Variants in GRM5 observed in about 807,000 individuals in gnomAD.
GRM5 encodes glutamate metabotropic receptor 5, also known as metabotropic glutamate receptor 5.
GRM5 carries 19 observed loss-of-function variants against 83.1 expected under a neutral mutation model. That is an observed-to-expected ratio of 0.23 (90% CI 0.16 to 0.34). GRM5 has a LOEUF of 0.34. GRM5 is among the 10% of genes least tolerant of loss of function. The probability of loss-of-function intolerance (pLI) is 1.00; values close to 1 mark genes in which losing one functional copy is unlikely to be tolerated. For missense variants in GRM5, 1,160 were observed against 1,588.3 expected (o/e 0.73, Z 4.58); for synonymous variants, 675 against 633.6 (o/e 1.07, Z -0.98).
chr11:88,639,468 G>T (rs1444908251), intron 4 of GRM5, among the ~76,000 whole-genome samples: 1 of 151,930 alleles, frequency 6.6e-6, no homozygotes, highest in Non-Finnish European at 1.5e-5. Context: ...ATTTTGTCTG[G>T]TTTTGCTGCT....
chr11:89,021,638 G>A (rs1475253373), intron 2 of GRM5, among the ~76,000 whole-genome samples: 1 of 152,144 alleles, frequency 6.6e-6, no homozygotes, highest in Admixed American at 6.6e-5. Context: ...AGACAGATAT[G>A]TTAAAAGGGG....
chr11:88,848,455 T>C (rs1944334368), intron 3 of GRM5, among the ~76,000 whole-genome samples: 1 of 152,206 alleles, frequency 6.6e-6, no homozygotes, highest in African/African-American at 2.4e-5. Flanking sequence ...TTTCCCTTAA[T>C]AAGCCATCAA....
chr11:88,532,461 G>T (rs1324400292), intron 8 of GRM5, among the ~76,000 whole-genome samples: 1 of 152,066 alleles, frequency 6.6e-6, no homozygotes, highest in Admixed American at 6.6e-5. Flanking sequence ...ATCCTATAAG[G>T]GATTTTCATA....
chr11:88,655,670 TG>T (rs1398989790), intron 3 of GRM5, among the ~76,000 whole-genome samples: 235 of 144,972 alleles, frequency 1.6e-3, no homozygotes, highest in African/African-American at 5.2e-3. Context: ...GTACTTTCTC[TG>T]TTTTTTTTTT....
intron 2 of GRM5, among the ~76,000 whole-genome samples, chr11:88,986,148 G>A (rs1156686662): frequency 6.6e-6 from 1 of 152,062 alleles, no homozygotes; most frequent in Non-Finnish European, 1.5e-5. Flanking sequence ...CCATCTCATG[G>A]AGTACTATTA....
chr11:88,658,711 A>G (rs1346747933), intron 3 of GRM5, among the ~76,000 whole-genome samples: 1 of 152,188 alleles, frequency 6.6e-6, no homozygotes, highest in African/African-American at 2.4e-5. Context: ...TGGATAATAG[A>G]GTGATACCAG....
At chr11:88,848,469 T>A (rs1376211216) in intron 3 of GRM5, among the ~76,000 whole-genome samples, 1 of 152,176 alleles carries the variant, frequency 6.6e-6, no homozygotes, top group Admixed American at 6.5e-5. Context: ...CCATCAAAAG[T>A]TAATAACAAG....
intron 3 of GRM5, among the ~76,000 whole-genome samples, chr11:88,726,339 A>G (rs71469210): frequency 0.12 from 18,854 of 152,248 alleles, 1,544 homozygotes; most frequent in Middle Eastern, 0.2. Context: ...AGATTAGAGA[A>G]AAAAGAATGA....
At chr11:88,881,153 A>G (rs1944946046) in intron 2 of GRM5, among the ~76,000 whole-genome samples, 1 of 151,698 alleles carries the variant, frequency 6.6e-6, no homozygotes, top group African/African-American at 2.4e-5. Flanking sequence ...AATTTAAAAA[A>G]AAAATATTAT....
intron 2 of GRM5, among the ~76,000 whole-genome samples, chr11:88,921,675 G>C (rs1945695860): frequency 6.6e-6 from 1 of 151,838 alleles, no homozygotes; most frequent in South Asian, 2.1e-4. Context: ...ACAACTGAAA[G>C]CCTTGGATCT....
chr11:88,728,089 G>A (rs1364119175), intron 3 of GRM5, among the ~76,000 whole-genome samples: 1 of 152,042 alleles, frequency 6.6e-6, no homozygotes, highest in Non-Finnish European at 1.5e-5. Flanking sequence ...GAATCCAGGA[G>A]CTGGTTTTTT....
At chr11:88,750,728 C>T (rs1194613046) in intron 3 of GRM5, among the ~76,000 whole-genome samples, 2 of 152,118 alleles carry the variant, frequency 1.3e-5, no homozygotes, top group Non-Finnish European at 2.9e-5. Context: ...AACAAACAGT[C>T]TCTCAGATCA....
At chr11:88,955,339 T>A (rs974498483) in intron 2 of GRM5, among the ~76,000 whole-genome samples, 1 of 152,222 alleles carries the variant, frequency 6.6e-6, no homozygotes, top group African/African-American at 2.4e-5. Context: ...CACTAAAAGA[T>A]CTTATGGTGA....
intron 2 of GRM5, among the ~76,000 whole-genome samples, chr11:88,982,896 G>A (rs1205032620): frequency 7.2e-5 from 11 of 152,028 alleles, no homozygotes; most frequent in Admixed American, 2.0e-4. Flanking sequence ...GAGAAACCCC[G>A]TCTCTACTAA....
chr11:88,912,877 C>T (rs567479814), intron 2 of GRM5, among the ~76,000 whole-genome samples: 4 of 152,180 alleles, frequency 2.6e-5, no homozygotes, highest in African/African-American at 9.7e-5. Context: ...TCATGCCAGT[C>T]CCTTAAATGC....
intron 2 of GRM5, among the ~76,000 whole-genome samples, chr11:88,945,927 A>G (rs1334719292): frequency 2.6e-5 from 4 of 152,126 alleles, no homozygotes; most frequent in African/African-American, 9.6e-5. Flanking sequence ...AACAAAAGAA[A>G]TGATCAACCA....
chr11:88,601,499 A>G (rs2135226755), intron 5 of GRM5, among the ~76,000 whole-genome samples: 1 of 151,948 alleles, frequency 6.6e-6, no homozygotes, highest in South Asian at 2.1e-4. Context: ...TGCTCAAGAG[A>G]TTACAATATG....
chr11:88,768,160 A>G (rs1357021795), intron 3 of GRM5, among the ~76,000 whole-genome samples: 2 of 152,012 alleles, frequency 1.3e-5, no homozygotes, highest in Non-Finnish European at 2.9e-5. Flanking sequence ...AAAGTGTATT[A>G]TTTGCCACAG....
chr11:88,733,113 A>C (rs574323084), intron 3 of GRM5, among the ~76,000 whole-genome samples: 1 of 151,964 alleles, frequency 6.6e-6, no homozygotes, highest in South Asian at 2.1e-4. Flanking sequence ...ATAGGATAGA[A>C]CTCTACCTTG....
Sources: allele counts gnomAD v4.1 joint callset (sites outside exome capture counted in the v4.1 genomes callset), GRCh38; gene constraint gnomAD v4.1.1; transcripts MANE v1.5; gene names NCBI Gene and HGNC (gene_info 2026-07-23, HGNC 2026-07-21).